ZNF675: variants seen among roughly 807,000 people sequenced by gnomAD.
ZNF675 encodes zinc finger protein 675.
Under a neutral mutation model 56.1 loss-of-function variants are expected in ZNF675, and 36 were observed. That is an observed-to-expected ratio of 0.64 (90% CI 0.49 to 0.85). The LOEUF (loss-of-function observed/expected upper bound fraction) is 0.85, where lower values mean the gene tolerates loss of function less well. Among genes scored for constraint, ZNF675 ranks in the 40% least tolerant of loss-of-function variants. The pLI is 0.00. For synonymous variants in ZNF675, 200 were observed against 218.9 expected, an observed-to-expected ratio of 0.91 and a Z score of 0.76; for missense variants, 663 against 654.2, an observed-to-expected ratio of 1.01 and a Z score of -0.15.
chr19:23,657,683 C>T (rs1286522538), intron 3 of ZNF675, among the ~76,000 whole-genome samples: 2 of 152,164 alleles, frequency 1.3e-5, no homozygotes, highest in Admixed American at 6.5e-5. Flanking sequence ...CACCACTGCA[C>T]TCCAGCCTGG....
intron 1 of ZNF675, among the ~76,000 whole-genome samples, chr19:23,670,048 T>G (rs1040796309): frequency 3.3e-5 from 5 of 151,998 alleles, no homozygotes; most frequent in African/African-American, 1.2e-4. Context: ...CAGGAAAAAT[T>G]TGGGTCACCT....
chr19:23,680,772 T>A (rs749727382), intron 1 of ZNF675, among the ~76,000 whole-genome samples: 10 of 151,254 alleles, frequency 6.6e-5, no homozygotes, highest in African/African-American at 1.2e-4. Context: ...TTTAAAAAAA[T>A]AATAATAATA....
chr19:23,667,992 T>A, intron 1 of ZNF675, among the ~76,000 whole-genome samples: 1 of 147,450 alleles, frequency 6.8e-6, no homozygotes. Context: ...ACACAGAGTG[T>A]CGACTGGTGC....
chr19:23,686,031 GGGAAACAAAAATTTA>G (rs1224215663), intron 1 of ZNF675: 1 of 152,082 alleles, frequency 6.6e-6, no homozygotes, highest in South Asian at 2.1e-4. Context: ...ACTGAATTGA[GGGAAACAAAAATTTA>G]GGCTTAACCA....
Position 23,664,593 on chromosome 19 carries a change from G to A in ZNF675, c.4-1435C>T, listed in dbSNP as rs544980980. On this transcript the variant is annotated intron_variant, in intron 1 of 3. Coordinates refer to ENST00000359788, the MANE Select transcript of ZNF675 (RefSeq NM_138330.3). ...TTTAGAGCAAAGGTAGAACTCTCATGAATATATCTTGAACCCCTCATACTT... is the reference window on the plus strand; with the variant it reads ...TTTAGAGCAAAGGTAGAACTCTCATAAATATATCTTGAACCCCTCATACTT... 2.0e-5 allele frequency among the ~76,000 whole-genome samples: 3 copies of A among 152,282 alleles called. No individual in the cohort carries two copies. The East Asian group carries it at 5.8e-4, about 29-fold the overall frequency.
intron 1 of ZNF675, among the ~76,000 whole-genome samples, chr19:23,683,238 C>A (rs1011337581): frequency 1.9e-4 from 29 of 151,172 alleles, no homozygotes; most frequent in African/African-American, 6.9e-4. Flanking sequence ...TATGAGAACA[C>A]TTCTAGGAGG....
chr19:23,654,246 T>C lies in ZNF675; in HGVS notation c.687A>G (p.Lys229=), dbSNP rs745636351. 3 of 1,613,688 alleles carry C rather than the reference T, an allele frequency of 1.9e-6. No homozygotes were observed. Among genetic ancestry groups the C allele is most frequent in the African/African-American group, 1.3e-5 (1 of 74,898 alleles). ...TAAAAGTTCTGTCACATTCTTGACA[T>C]TTGTAGAGTTTCTCACAAGTATAAA... ...KRIYTCEKLY[K]CQECDRTFNQ... Residue 229 remains lysine, a synonymous_variant, in exon 4 of 4, where the codon AAA becomes AAG. Coordinates refer to ENST00000359788, the MANE Select transcript of ZNF675 (RefSeq NM_138330.3).
At chr19:23,682,527 C>CT (rs1194814004) in intron 1 of ZNF675, among the ~76,000 whole-genome samples, 5 of 151,894 alleles carry the variant, frequency 3.3e-5, no homozygotes, top group South Asian at 2.1e-4. Context: ...CTGCACCTGC[C>CT]TGTGCATCCC....
rs577597555 is a variant in ZNF675, at chr19:23,674,914, G to C, written c.4-11756C>G. On this transcript the variant is annotated intron_variant, in intron 1 of 3. Coordinates refer to ENST00000359788, the MANE Select transcript of ZNF675 (RefSeq NM_138330.3). ...TTGAACCCGGGAGGCAGAGGTTGTA[G>C]TGGGCCAAGATCATGCCAGTGCACT... Among the ~76,000 whole-genome samples the C allele has an allele frequency of 3.0e-4, 45 of 151,166 alleles. 2 individuals carry two copies. The highest frequency in any genetic ancestry group is 7.2e-4 in the Admixed American group (11 of 15,200).
intron 1 of ZNF675, among the ~76,000 whole-genome samples, chr19:23,672,891 G>C (rs1287843099): frequency 6.6e-6 from 1 of 152,140 alleles, no homozygotes; most frequent in East Asian, 1.9e-4. Flanking sequence ...TTCTCTCTTT[G>C]GGCTGGTACA....
At chr19:23,666,932 C>T (rs935237152) in intron 1 of ZNF675, among the ~76,000 whole-genome samples, 1 of 152,124 alleles carries the variant, frequency 6.6e-6, no homozygotes. Context: ...TTTTCTGAGT[C>T]CTATTGTTTT....
At position 23,653,698 on chromosome 19, in the gene ZNF675, G is replaced by T. The variant is rs1445842914; in HGVS notation, c.1235C>A (p.Thr412Asn). ...GKAFKHSSAL[T>N]THKRIHTGEK... ...TCCAGTGTGAATTCTCTTATGTGTAGTAAGGGCTGAGGAGTGTTTAAAAGC... is the reference window on the plus strand; with the variant it reads ...TCCAGTGTGAATTCTCTTATGTGTATTAAGGGCTGAGGAGTGTTTAAAAGC... Residue 412 changes from threonine (T) to asparagine (N), a missense_variant, in exon 4 of 4, where the codon ACT becomes AAT. Physicochemically the swap from Thr to Asn is moderately conservative, Grantham distance 65 (BLOSUM62 0). This residue lies in a region of ZNF675 where 617 missense variants were observed against 590.5 expected (regional missense o/e 1.04). Coordinates refer to ENST00000359788, the MANE Select transcript of ZNF675 (RefSeq NM_138330.3). 1 of 1,613,758 alleles carries T rather than the reference G, an allele frequency of 6.2e-7. No homozygotes were observed. The highest frequency in any genetic ancestry group is 1.3e-5 in the African/African-American group (1 of 75,016).
intron 1 of ZNF675, among the ~76,000 whole-genome samples, chr19:23,669,934 C>CCTATCTAAGGTCAGAGCCATCTGACAGA (rs1454741191): frequency 3.3e-5 from 5 of 151,934 alleles, no homozygotes; most frequent in Admixed American, 1.3e-4. Flanking sequence ...TGTGCTGGCA[C>CCTATCTAAGGTCAGAGCCATCTGACAGA]CTATCTAAGG....
intron 1 of ZNF675, among the ~76,000 whole-genome samples, chr19:23,667,636 T>C (rs1309396624): frequency 1.3e-5 from 2 of 149,870 alleles, no homozygotes; most frequent in African/African-American, 4.9e-5. Flanking sequence ...GACATAAATG[T>C]TCTCCAAGGC....
intron 1 of ZNF675, among the ~76,000 whole-genome samples, chr19:23,685,740 A>C (rs1411815902): frequency 1.3e-5 from 2 of 152,212 alleles, no homozygotes; most frequent in African/African-American, 4.8e-5. Flanking sequence ...ATAAAAGACA[A>C]ATAGTTGATA....
chr19:23,653,589 T>G lies in ZNF675; in HGVS notation c.1344A>C (p.Gly448=). 1 of 1,612,820 alleles carries G rather than the reference T, an allele frequency of 6.2e-7. No homozygotes were observed. Among genetic ancestry groups the G allele is most frequent in the Non-Finnish European group, 8.5e-7 (1 of 1,179,494 alleles). ...ATTCTTCACATTTGTAGGGTTTCTTTCCAGTATGAAGTTTCTTATGTTCAG... is the reference window on the plus strand; with the variant it reads ...ATTCTTCACATTTGTAGGGTTTCTTGCCAGTATGAAGTTTCTTATGTTCAG... The part of the protein sequence containing the change: ...KLTEHKKLHT[G]KKPYKCEECG... Residue 448 remains glycine, a synonymous_variant, in exon 4 of 4, where the codon GGA becomes GGC. Coordinates refer to ENST00000359788, the MANE Select transcript of ZNF675 (RefSeq NM_138330.3).
At chr19:23,686,091 C>G (rs1302563267) in intron 1 of ZNF675, 2 of 152,150 alleles carry the variant, frequency 1.3e-5, no homozygotes, top group Non-Finnish European at 2.9e-5. Flanking sequence ...GATTACATAA[C>G]CAGGAAATGT....
chr19:23,669,828 G>A (rs1968205980), intron 1 of ZNF675, among the ~76,000 whole-genome samples: 1 of 149,712 alleles, frequency 6.7e-6, no homozygotes, highest in Admixed American at 6.8e-5. Context: ...ACTCCAGCCT[G>A]GACAACAGAG....
At chr19:23,672,897 G>C (rs925024604) in intron 1 of ZNF675, among the ~76,000 whole-genome samples, 2 of 152,136 alleles carry the variant, frequency 1.3e-5, no homozygotes, top group African/African-American at 2.4e-5. Flanking sequence ...CTTTGGGCTG[G>C]TACAAACTTG....
Sources: gnomAD v4.1 joint callset for allele counts (sites outside exome capture counted in the v4.1 genomes callset) on GRCh38, gnomAD v4.1.1 for gene constraint, gnomAD v4.1.1 regional missense constraint, MANE v1.5 for transcripts, NCBI Gene and HGNC (gene_info 2026-07-23, HGNC 2026-07-21) for gene names.